Variants in DEPDC5 observed in about 807,000 individuals in gnomAD.
DEPDC5 encodes the protein DEP domain containing 5, GATOR1 subcomplex subunit, also known as GATOR1 complex protein DEPDC5.
A neutral mutation model predicts 217.3 loss-of-function variants in DEPDC5; 73 were observed. The observed-to-expected ratio is 0.34, with a 90% CI of 0.28 to 0.41. The LOEUF (loss-of-function observed/expected upper bound fraction) is 0.41. Ranked by LOEUF, DEPDC5 falls within the 10% of genes least tolerant of loss-of-function variation. DEPDC5 has a pLI of 1.00. For missense variants in DEPDC5, 1,675 were observed against 2,070.1 expected, an observed-to-expected ratio of 0.81 and a Z score of 3.70; for synonymous variants, 733 against 756.7, an observed-to-expected ratio of 0.97 and a Z score of 0.51.
At chr22:31,813,238 C>A (rs1358057712) in intron 20 of DEPDC5, among the ~76,000 whole-genome samples, 1 of 152,124 alleles carries the variant, frequency 6.6e-6, no homozygotes. Context: ...TGCTTAGGGG[C>A]TCAGTAAGAG....
intron 14 of DEPDC5, among the ~76,000 whole-genome samples, chr22:31,802,408 G>T (rs1411143534): frequency 6.6e-6 from 1 of 152,108 alleles, no homozygotes; most frequent in Non-Finnish European, 1.5e-5. Flanking sequence ...GGGATTTCAG[G>T]CATGAGCCAC....
In DEPDC5 at chr22:31,818,747, G is replaced by T. The variant is rs1026916590; in HGVS notation, c.1667-275G>T. 3.3e-5 allele frequency among the ~76,000 whole-genome samples: 5 copies of T among 152,162 alleles called. No homozygotes were observed. The South Asian group carries it at 6.2e-4, about 19-fold the overall frequency. The stretch of plus-strand genomic sequence containing the variant: ...TCATTGCTTCCAGCTCAAAGTTCAG[G>T]ATCTTCAGGCAGTGTCCTTCCCATC... On this transcript the variant is annotated intron_variant, in intron 21 of 42. Coordinates refer to ENST00000651528, the MANE Select transcript of DEPDC5 (RefSeq NM_001242896.3).
Position 31,906,806 on chromosome 22 carries a change from CG to C in DEPDC5, c.*311del. ...CTCCAGTGTCTGGGAAGAGGGCAGG[CG>C]GCCCCCATGAATGTCCTCGGAAGGG... On this transcript the variant is annotated 3_prime_UTR_variant, in exon 43 of 43. Transcript: ENST00000651528. This position sits in a 1 kb window ranked among gnomAD's most constrained non-coding sequence, Gnocchi z 5.1. 2.1e-6 allele frequency: 1 copy of C among 466,512 alleles called. No individual in the cohort carries two copies. The highest frequency in any genetic ancestry group is 3.9e-6 in the Non-Finnish European group (1 of 259,146). 28.9% of individuals were successfully genotyped at this position (466,512 alleles called of 1,614,324 possible). A position where few individuals can be genotyped will look rare whatever the true frequency, so the allele number is the denominator to read the frequency against.
At chr22:31,813,905 G>C (rs2088751162) in intron 20 of DEPDC5, 1 of 152,212 alleles carries the variant, frequency 6.6e-6, no homozygotes, top group South Asian at 2.1e-4. Context: ...GGCCAAGGCA[G>C]GTGGATCACT....
At chr22:31,880,151 T>C in intron 38 of DEPDC5, 1 of 227,454 alleles carries the variant, frequency 4.4e-6, no homozygotes, top group East Asian at 9.7e-5. Context: ...GGAAGGAACC[T>C]AAAAGGTCAT....
At chr22:31,853,271 C>T (rs141242812) in intron 31 of DEPDC5, 1 of 152,208 alleles carries the variant, frequency 6.6e-6, no homozygotes, top group African/African-American at 2.4e-5. Context: ...TTTCTGCTCA[C>T]ACTGAAGAAG....
chr22:31,858,939 C>G (rs1368546301), intron 32 of DEPDC5: 1 of 152,148 alleles, frequency 6.6e-6, no homozygotes, highest in Non-Finnish European at 1.5e-5. Context: ...AAGTATCAGC[C>G]AAGGCTGTGG....
At chr22:31,766,853 T>A (rs184747543) in intron 6 of DEPDC5, among the ~76,000 whole-genome samples, 185 bp downstream of exon 6, 171 of 152,340 alleles carry the variant, frequency 1.1e-3, no homozygotes, top group Non-Finnish European at 1.8e-3. Context: ...TGTTTACTGT[T>A]ACAGATTTTT....
At position 31,784,825 on chromosome 22, in the gene DEPDC5, T is replaced by G. The variant is rs1224909314; in HGVS notation, c.574T>G (p.Phe192Val). 6.2e-7 allele frequency: 1 copy of G among 1,613,420 alleles called. No homozygotes were observed. Among genetic ancestry groups the G allele is most frequent in the Non-Finnish European group, 8.5e-7 (1 of 1,179,786 alleles). ...WDFDIYGDLY[F>V]EKAVNGFLAD... is the part of the protein sequence containing the mutation. ...TTGTTTCTTTTCAGGGGATTTGTAT[T>G]TTGAGAAAGCTGTGAATGGTTTCCT... Residue 192 changes from phenylalanine to valine, a missense_variant, in exon 10 of 43, where the codon TTT becomes GTT. By Grantham distance (50) the Phe-to-Val change is conservative (BLOSUM62 -1). This residue lies in a region of DEPDC5 where 628 missense variants were observed against 762.1 expected (regional missense o/e 0.82). Coordinates refer to ENST00000651528, the MANE Select transcript of DEPDC5 (RefSeq NM_001242896.3).
chr22:31,772,105 G>C (rs2083418540), intron 7 of DEPDC5, among the ~76,000 whole-genome samples: 1 of 151,968 alleles, frequency 6.6e-6, no homozygotes, highest in Non-Finnish European at 1.5e-5. Flanking sequence ...TGGTGTCAGG[G>C]CTCCTCTAGT....
chr22:31,858,163 T>C (rs1406208016), intron 32 of DEPDC5: 2 of 152,262 alleles, frequency 1.3e-5, no homozygotes, highest in Non-Finnish European at 2.9e-5. Context: ...CATCTTTAGC[T>C]TTCCCAGAGG....
At chr22:31,822,861 C>A in intron 24 of DEPDC5, 71 bp downstream of exon 24, 1 of 1,463,286 alleles carries the variant, frequency 6.8e-7, no homozygotes, top group Non-Finnish European at 9.4e-7. Flanking sequence ...ACACAAGGGC[C>A]AGAAAAGCAG....
At chr22:31,843,248 T>A in intron 28 of DEPDC5, 36 bp downstream of exon 28, 1 of 1,584,634 alleles carries the variant, frequency 6.3e-7, no homozygotes, top group Non-Finnish European at 8.7e-7. Context: ...TCAGTTATTG[T>A]CCTGAATTAT....
intron 18 of DEPDC5, among the ~76,000 whole-genome samples, chr22:31,807,363 C>T (rs1350467396): frequency 6.6e-6 from 1 of 152,110 alleles, no homozygotes; most frequent in Non-Finnish European, 1.5e-5. Flanking sequence ...ATGAAATATC[C>T]ACTTGATGGA....
At chr22:31,904,370 G>T (rs1640466572) in intron 41 of DEPDC5, among the ~76,000 whole-genome samples, 2 of 152,244 alleles carry the variant, frequency 1.3e-5, no homozygotes, top group South Asian at 4.1e-4. Context: ...AGGAAGAAAT[G>T]AGGTAAAAAA....
At position 31,906,432 on chromosome 22, in the gene DEPDC5, C is replaced by T. The variant is rs759170497; in HGVS notation, c.4747C>T (p.Arg1583Cys). ...GGACTTCACGGACTTCTGCATCAAC[C>T]GTGACAACCGGCTGGTCACGTTCTG... ...LKDFTDFCINRDNRLVTFWTS... is the reference protein window; with the variant it reads ...LKDFTDFCINCDNRLVTFWTS... The change falls in exon 43 of 43, where the codon CGT becomes TGT. Residue 1583 changes from arginine to cysteine, a missense_variant. This residue lies in a region of DEPDC5 where 49 missense variants were observed against 74.7 expected (regional missense o/e 0.66). Transcript: ENST00000651528. This position sits in a 1 kb window ranked among gnomAD's most constrained non-coding sequence, Gnocchi z 5.1. The T allele has an allele frequency of 3.1e-5, 50 of 1,613,928 alleles. No homozygotes were observed. Among genetic ancestry groups the T allele is most frequent in the Non-Finnish European group, 4.2e-5 (49 of 1,180,054 alleles).
intron 26 of DEPDC5, among the ~76,000 whole-genome samples, chr22:31,838,360 A>T (rs1336039800): frequency 1.3e-5 from 2 of 152,048 alleles, no homozygotes; most frequent in Non-Finnish European, 2.9e-5. Context: ...ATCTTGGCTC[A>T]CTGCAACCTC....
intron 25 of DEPDC5, 60 bp from the exon 26 acceptor site, chr22:31,836,912 C>A: frequency 6.7e-7 from 1 of 1,493,206 alleles, no homozygotes; most frequent in Non-Finnish European, 9.2e-7. Context: ...TCCCCTGGCC[C>A]CCCATCCCAC....
chr22:31,902,438 T>TATATA (rs1569244499), intron 41 of DEPDC5, among the ~76,000 whole-genome samples: 27 of 85,452 alleles, frequency 3.2e-4, no homozygotes, highest in African/African-American at 8.6e-4. Context: ...ATATATATAC[T>TATATA]TATATATACT....
Sources: allele counts gnomAD v4.1 joint callset (sites outside exome capture counted in the v4.1 genomes callset), GRCh38; gene constraint gnomAD v4.1.1; regional missense constraint gnomAD v4.1.1; non-coding constraint Gnocchi (gnomAD v3.1); transcripts MANE v1.5; gene names NCBI Gene and HGNC (gene_info 2026-07-23, HGNC 2026-07-21).